BAD: variants seen among roughly 807,000 people sequenced by gnomAD.
The protein encoded by BAD is BCL2 associated agonist of cell death.
BAD carries 18 observed loss-of-function variants against 17.8 expected under a neutral mutation model. The ratio of observed to expected loss-of-function variants is 1.01; its 90% CI spans 0.70 to 1.50. The LOEUF is 1.50. Ranked by LOEUF, BAD falls within the 40% of genes most tolerant of loss-of-function variation. The pLI is 0.00. For synonymous variants in BAD, 112 were observed against 91.5 expected (o/e 1.22, Z -1.28); for missense variants, 294 against 239.3 (o/e 1.23, Z -1.51).
intron 2 of BAD, chr11:64,276,700 GA>G: frequency 3.7e-6 from 2 of 541,186 alleles, no homozygotes; most frequent in East Asian, 6.3e-5. Context: ...TTCCCTGGGG[GA>G]AGGAGAGGGC....
intron 2 of BAD, among the ~76,000 whole-genome samples, chr11:64,281,836 T>A (rs1029886249): frequency 6.6e-6 from 1 of 152,202 alleles, no homozygotes; most frequent in Admixed American, 6.5e-5. Context: ...TTCTCCTGCC[T>A]CAGCCTCCCG....
intron 2 of BAD, among the ~76,000 whole-genome samples, chr11:64,275,404 T>C (rs567255751): frequency 2.0e-5 from 3 of 152,320 alleles, no homozygotes; most frequent in East Asian, 3.9e-4. Flanking sequence ...GCCACATTCC[T>C]GCTCTGACCT....
chr11:64,284,562 C>CA, intron 1 of BAD, 69 bp downstream of exon 1: 27 of 1,495,076 alleles, frequency 1.8e-5, no homozygotes, highest in Non-Finnish European at 2.4e-5. Context: ...CTCAGGACCT[C>CA]AGTCTCCCCT....
At chr11:64,275,341 T>G (rs2032981859) in intron 2 of BAD, among the ~76,000 whole-genome samples, 1 of 152,060 alleles carries the variant, frequency 6.6e-6, no homozygotes, top group South Asian at 2.1e-4. Flanking sequence ...TAATTTCCAG[T>G]TCTGTGGTGC....
intron 2 of BAD, 187 bp from the exon 3 acceptor site, chr11:64,271,990 G>T: frequency 2.4e-6 from 1 of 423,688 alleles, no homozygotes; most frequent in Non-Finnish European, 4.0e-6. Context: ...GGCCTTTGGT[G>T]AAGATTTAGG....
intron 2 of BAD, among the ~76,000 whole-genome samples, chr11:64,283,501 C>T (rs1287049806): frequency 6.6e-6 from 1 of 152,232 alleles, no homozygotes; most frequent in Non-Finnish European, 1.5e-5. Context: ...CCCACACAGC[C>T]CTGCTGTCTG....
At chr11:64,272,183 G>C (rs1034897653) in intron 2 of BAD, among the ~76,000 whole-genome samples, 8 of 152,174 alleles carry the variant, frequency 5.3e-5, no homozygotes, top group African/African-American at 1.9e-4. Flanking sequence ...GCTGGGCATA[G>C]TGGCACGTGC....
At position 64,271,711 on chromosome 11, in the gene BAD, G is replaced by A; in HGVS notation, c.280C>T (p.Arg94Trp). Reference protein sequence around the residue: ...EGMGEEPSPFRGRSRSAPPNL... With the variant: ...EGMGEEPSPFWGRSRSAPPNL... Reference sequence around the variant, plus strand: ...GGGGGCGCCGAGCGCGAGCGGCCCCGAAAGGGGCTGGGCTCCTCCCCCATC... The same window carrying A: ...GGGGGCGCCGAGCGCGAGCGGCCCCAAAAGGGGCTGGGCTCCTCCCCCATC... Residue 94 changes from arginine (R) to tryptophan (W), a missense_variant, in exon 3 of 4, where the codon CGG becomes TGG. Coordinates refer to ENST00000309032, the MANE Select transcript of BAD (RefSeq NM_032989.3). 6.8e-7 allele frequency: 1 copy of A among 1,472,422 alleles called. No individual in the cohort carries two copies. Among genetic ancestry groups the A allele is most frequent in the Non-Finnish European group, 9.0e-7 (1 of 1,113,718 alleles). 91.2% of individuals were successfully genotyped at this position (1,472,422 alleles called of 1,614,324 possible). A position where few individuals can be genotyped will look rare whatever the true frequency, so the allele number is the denominator to read the frequency against.
At chr11:64,273,154 A>C (rs2032767775) in intron 2 of BAD, among the ~76,000 whole-genome samples, 1 of 151,806 alleles carries the variant, frequency 6.6e-6, no homozygotes. Context: ...GGATCACCTG[A>C]GGTCAGAAGT....
At chr11:64,284,082 C>A in intron 2 of BAD, 100 bp downstream of exon 2, 1 of 1,393,344 alleles carries the variant, frequency 7.2e-7, no homozygotes, top group Non-Finnish European at 9.6e-7. Flanking sequence ...GTTTGGGGAC[C>A]GACCCAAAGC....
rs777345859 is a variant in BAD, at chr11:64,271,733, C to T, written c.258G>A (p.Met86Ile). The change falls in exon 3 of 4, where the codon ATG becomes ATA. Residue 86 changes from methionine (M) to isoleucine (I), a missense_variant. Coordinates refer to ENST00000309032, the MANE Select transcript of BAD (RefSeq NM_032989.3). ...CCCGAAAGGGGCTGGGCTCCTCCCCCATCCCTTCGTCGTCCTCCGTCCCCG... is the reference window on the plus strand; with the variant it reads ...CCCGAAAGGGGCTGGGCTCCTCCCCTATCCCTTCGTCGTCCTCCGTCCCCG... ...YPAGTEDDEG[M>I]GEEPSPFRGR... The T allele has an allele frequency of 1.4e-6, 2 of 1,449,552 alleles. No homozygotes were observed. The highest frequency in any genetic ancestry group is 1.8e-6 in the Non-Finnish European group (2 of 1,101,228). The allele number at this position is 1,449,552 out of a possible 1,614,324, so 89.8% of individuals were successfully genotyped here.
chr11:64,270,898 GAGACACAC>G (rs1565343953), intron 3 of BAD, among the ~76,000 whole-genome samples: 2 of 86,846 alleles, frequency 2.3e-5, no homozygotes, highest in African/African-American at 4.2e-5. Context: ...CATGCCCTGT[GAGACACAC>G]ACACACACAC....
chr11:64,279,758 A>G (rs1172627373), intron 2 of BAD, among the ~76,000 whole-genome samples: 1 of 73,520 alleles, frequency 1.4e-5, no homozygotes. Flanking sequence ...GTAAGACTCT[A>G]TCTCAAAAAA....
intron 2 of BAD, among the ~76,000 whole-genome samples, chr11:64,279,125 TC>T (rs894745776): frequency 6.6e-6 from 1 of 152,084 alleles, no homozygotes; most frequent in Non-Finnish European, 1.5e-5. Flanking sequence ...ACCTTGCTAC[TC>T]CTTCTACCAT....
intron 2 of BAD, among the ~76,000 whole-genome samples, chr11:64,277,464 GTCTC>G (rs1241050393): frequency 1.3e-5 from 2 of 152,282 alleles, no homozygotes; most frequent in East Asian, 1.9e-4. Context: ...CAGCGACAGG[GTCTC>G]TCTCTGTCAC....
intron 2 of BAD, 53 bp from the exon 3 acceptor site, chr11:64,271,856 C>G (rs1337224731): frequency 5.4e-6 from 7 of 1,306,306 alleles, no homozygotes; most frequent in Non-Finnish European, 6.8e-6. Flanking sequence ...TCCTCTAAGC[C>G]CCTGGCCCTG....
intron 2 of BAD, among the ~76,000 whole-genome samples, chr11:64,276,187 G>C (rs889822198): frequency 1.3e-5 from 2 of 152,038 alleles, no homozygotes; most frequent in Non-Finnish European, 2.9e-5. Context: ...CACCAAATTC[G>C]TGGACTTAGC....
intron 2 of BAD, among the ~76,000 whole-genome samples, chr11:64,278,046 G>A (rs1287113345): frequency 6.6e-6 from 1 of 152,098 alleles, no homozygotes; most frequent in Non-Finnish European, 1.5e-5. Flanking sequence ...CCAACACTTT[G>A]GGAGGCCAAG....
rs752601428 is a variant in BAD, at chr11:64,271,643, C to G, written c.348G>C (p.Arg116Ser). 2.7e-6 allele frequency: 4 copies of G among 1,503,988 alleles called. No homozygotes were observed. In the South Asian group the frequency reaches 5.0e-5, roughly 19 times the overall value. The allele number at this position is 1,503,988 out of a possible 1,614,324, so 93.2% of individuals were successfully genotyped here. ...AGGAGTCCACAAACTCGTCACTCAT[C>G]CTCCGGAGCTCGCGGCCATAGCGCT... ...AAQRYGRELR[R>S]MSDEFVDSFK... is the part of the protein sequence containing the mutation. The change falls in exon 3 of 4, where the codon AGG becomes AGC. Residue 116 changes from arginine to serine, a missense_variant. Transcript: ENST00000309032.
Sources: gnomAD v4.1 joint callset for allele counts (sites outside exome capture counted in the v4.1 genomes callset) on GRCh38, gnomAD v4.1.1 for gene constraint, MANE v1.5 for transcripts, NCBI Gene and HGNC (gene_info 2026-07-23, HGNC 2026-07-21) for gene names.